The following PLEKHH3 variants were observed in gnomAD, a reference collection of about 807,000 sequenced individuals.
PLEKHH3 encodes the protein pleckstrin homology domain-containing family H member 3.
A neutral mutation model predicts 77.8 loss-of-function variants in PLEKHH3; 57 were observed. The observed-to-expected ratio is 0.73, with a 90% CI of 0.59 to 0.91. The LOEUF is 0.91. Among genes scored for constraint, PLEKHH3 ranks in the 40% least tolerant of loss-of-function variants. PLEKHH3 has a pLI of 0.00. For missense variants in PLEKHH3, 1,082 were observed against 1,091.2 expected, an observed-to-expected ratio of 0.99 and a Z score of 0.12; for synonymous variants, 467 against 504.8, an observed-to-expected ratio of 0.93 and a Z score of 1.00.
intron 7 of PLEKHH3, 53 bp downstream of exon 7, chr17:42,672,032 TC>T (rs1185974315): frequency 2.1e-6 from 3 of 1,395,618 alleles, no homozygotes; most frequent in Non-Finnish European, 2.9e-6. Context: ...TTTCATTCTC[TC>T]CCAGCCCGGT....
At position 42,670,651 on chromosome 17, in the gene PLEKHH3, T is replaced by G; in HGVS notation, c.1476A>C (p.Leu492=). 1 of 1,613,192 alleles carries G rather than the reference T, an allele frequency of 6.2e-7. No homozygotes were observed. Among genetic ancestry groups the G allele is most frequent in the Non-Finnish European group, 8.5e-7 (1 of 1,179,900 alleles). ...LEDSPDSGWR[L]CLRLHGPLHP... is the part of the protein sequence containing the mutation. ...GCAGAGGTCCGTGAAGACGCAGACA[T>G]AGTCTCCACCCGGAGTCGGGCGAGT... Residue 492 remains leucine, a synonymous_variant, in exon 10 of 13, where the codon CTA becomes CTC. Coordinates refer to ENST00000591022, the MANE Select transcript of PLEKHH3 (RefSeq NM_024927.5).
chr17:42,674,140 G>T (rs2052769036), intron 2 of PLEKHH3, 127 bp from the exon 3 acceptor site: 2 of 1,151,464 alleles, frequency 1.7e-6, no homozygotes, highest in Non-Finnish European at 2.5e-6. Flanking sequence ...TGTGGGAACC[G>T]CTGGGCCATT....
Position 42,668,140 on chromosome 17 carries a change from T to C in PLEKHH3, c.2369A>G (p.Gln790Arg). 2 of 1,458,196 alleles carry C rather than the reference T, an allele frequency of 1.4e-6. No individual in the cohort carries two copies. Among genetic ancestry groups the C allele is most frequent in the Non-Finnish European group, 1.8e-6 (2 of 1,110,206 alleles). 90.3% of individuals were successfully genotyped at this position (1,458,196 alleles called of 1,614,324 possible). Residue 790 changes from glutamine (Q) to arginine (R), a missense_variant, in exon 13 of 13, where the codon CAG (glutamine) becomes CGG (arginine). Gln to Arg is a conservative substitution (Grantham distance 43, BLOSUM62 1). Around this residue, in one of 3 missense-constraint regions of PLEKHH3, gnomAD observed 733 missense variants for 750.0 expected, o/e 0.98. Transcript: ENST00000591022. ...EPQGQSGCLG[Q>R]LQD ...CTCTTGGCAGGCTCAGTCCTGCAGC[T>C]GCCCCAAGCAGCCAGACTGTCCCTG... is the stretch of plus-strand genomic sequence containing the variant.
rs754513780 is a variant in PLEKHH3 at position 42,673,303 on chromosome 17, G to T, written c.649-7C>A. The T allele has an allele frequency of 6.3e-7, 1 of 1,599,316 alleles. No individual in the cohort carries two copies. The highest frequency in any genetic ancestry group is 8.5e-7 in the Non-Finnish European group (1 of 1,175,838). ...CTGGGTCCCCGCAACTTTCCTAGGG[G>T]GCCAGGGAGAGGGTCACCTTGATGG... On this transcript the variant is annotated splice_polypyrimidine_tract_variant and splice_region_variant and intron_variant, in intron 5 of 12. Transcript: ENST00000591022.
In PLEKHH3 at chr17:42,670,977, T is replaced by TG. The variant is rs1306244431; in HGVS notation, c.1421+16dup. 73 of 1,606,342 alleles carry TG rather than the reference T, an allele frequency of 4.5e-5. No individual in the cohort carries two copies. Among genetic ancestry groups the TG allele is most frequent in the Non-Finnish European group, 5.9e-5 (70 of 1,177,904 alleles). On this transcript the variant is annotated intron_variant, in intron 9 of 12. Coordinates refer to ENST00000591022, the MANE Select transcript of PLEKHH3 (RefSeq NM_024927.5). ...TGGATGGGCTAATAGAGAGCAGGGC[T>TG]GGGGCTGGACATTTACTTCTCAAAC...
chr17:42,671,023 G>A lies in PLEKHH3; in HGVS notation c.1392C>T (p.Leu464=), dbSNP rs747005870. The part of the protein sequence containing the change: ...AQERALAGGT[L]VADVLTRFEN... ...CAAACCTGGTGAGCACGTCGGCCACGAGGGTCCCCCCAGCCAGGGCTCGCT... is the reference window on the plus strand; with the variant it reads ...CAAACCTGGTGAGCACGTCGGCCACAAGGGTCCCCCCAGCCAGGGCTCGCT... Residue 464 remains leucine, a synonymous_variant, in exon 9 of 13, where the codon CTC becomes CTT. Transcript: ENST00000591022. This position sits in a 1 kb window ranked among gnomAD's most constrained non-coding sequence, Gnocchi z 4.7. 2 of 1,610,896 alleles carry A rather than the reference G, an allele frequency of 1.2e-6. No homozygotes were observed. The highest frequency in any genetic ancestry group is 4.5e-5 in the East Asian group (2 of 44,864).
rs1056280020 is a variant in PLEKHH3, at chr17:42,670,149, C to G, written c.1782G>C (p.Pro594=). 1 of 1,230,102 alleles carries G rather than the reference C, an allele frequency of 8.1e-7. No individual in the cohort carries two copies. The highest frequency in any genetic ancestry group is 1.0e-6 in the Non-Finnish European group (1 of 989,818). The allele number at this position is 1,230,102 out of a possible 1,614,324, so 76.2% of individuals were successfully genotyped here. The change falls in exon 11 of 13, where the codon CCG becomes CCC. Residue 594 remains proline, a synonymous_variant. Coordinates refer to ENST00000591022, the MANE Select transcript of PLEKHH3 (RefSeq NM_024927.5). Reference sequence around the variant, plus strand: ...GCTCCGCCCGCCTCTTGGCCAGGCCCGGGCTCCAGAGCGCCCCGGCCAGCA... The same window carrying G: ...GCTCCGCCCGCCTCTTGGCCAGGCCGGGGCTCCAGAGCGCCCCGGCCAGCA... ...AALLAGALWS[P]GLAKRRAERA...
At position 42,670,220 on chromosome 17, in the gene PLEKHH3, C is replaced by G; in HGVS notation, c.1711G>C (p.Glu571Gln). The change falls in exon 11 of 13, where the codon GAA becomes CAA. Residue 571 changes from glutamate to glutamine, a missense_variant. Around this residue, in one of 3 missense-constraint regions of PLEKHH3, gnomAD observed 733 missense variants for 750.0 expected, o/e 0.98. Transcript: ENST00000591022. ...CTGGGGGTCGGGCGGGGCGGGTCTT[C>G]GCGCGGCGGGGCCGGGGGCGGGAGC... ...RLLPPPAPPR[E>Q]DPPRPTPRPP... The G allele has an allele frequency of 8.2e-7, 1 of 1,213,380 alleles. No homozygotes were observed. Among genetic ancestry groups the G allele is most frequent in the Non-Finnish European group, 1.0e-6 (1 of 977,356 alleles). The allele number at this position is 1,213,380 out of a possible 1,614,324, so 75.2% of individuals were successfully genotyped here. A position where few individuals can be genotyped will look rare whatever the true frequency, so the allele number is the denominator to read the frequency against.
rs777479973 is a variant in PLEKHH3, at chr17:42,674,028, A to T, written c.219-15T>A. 2 of 1,611,554 alleles carry T rather than the reference A, an allele frequency of 1.2e-6. No individual in the cohort carries two copies. The highest frequency in any genetic ancestry group is 1.7e-6 in the Non-Finnish European group (2 of 1,179,566). ...AGCTCTGCAGCCTGGGCCAGAGGGG[A>T]GGGAAGGTTGGGTCTCCACTCTGCC... On this transcript the variant is annotated splice_polypyrimidine_tract_variant and intron_variant, in intron 2 of 12. Coordinates refer to ENST00000591022, the MANE Select transcript of PLEKHH3 (RefSeq NM_024927.5).
At position 42,673,567 on chromosome 17, in the gene PLEKHH3, G is replaced by T. The variant is rs199595390; in HGVS notation, c.491-11C>A. The T allele has an allele frequency of 6.9e-6, 11 of 1,587,278 alleles. No individual in the cohort carries two copies. Among genetic ancestry groups the T allele is most frequent in the Non-Finnish European group, 9.4e-6 (11 of 1,169,636 alleles). On this transcript the variant is annotated splice_polypyrimidine_tract_variant and intron_variant, in intron 4 of 12. Coordinates refer to ENST00000591022, the MANE Select transcript of PLEKHH3 (RefSeq NM_024927.5). Reference sequence around the variant, plus strand: ...TCACTGACCACAGACCTGGGGAAAAGAGAGGCCAGGGAGGGCCATTAGGGT... The same window carrying T: ...TCACTGACCACAGACCTGGGGAAAATAGAGGCCAGGGAGGGCCATTAGGGT...
intron 11 of PLEKHH3, 94 bp from the exon 12 acceptor site, chr17:42,669,715 T>A: frequency 6.8e-7 from 1 of 1,466,210 alleles, no homozygotes; most frequent in Non-Finnish European, 9.3e-7. Flanking sequence ...AGTATCCTGA[T>A]CCCCCTATGA....
At chr17:42,675,434 G>A (rs2052800678) in intron 1 of PLEKHH3, among the ~76,000 whole-genome samples, 1 of 152,144 alleles carries the variant, frequency 6.6e-6, no homozygotes, top group African/African-American at 2.4e-5. Context: ...GAGTGGGGCT[G>A]TCAGCCACAC....
chr17:42,674,431 C>A, intron 1 of PLEKHH3, 22 bp from the exon 2 acceptor site: 1 of 1,567,958 alleles, frequency 6.4e-7, no homozygotes. Context: ...GGCGGGGAAG[C>A]CCTCAGGGTC....
At position 42,672,166 on chromosome 17, in the gene PLEKHH3, G is replaced by A. The variant is rs1463744143; in HGVS notation, c.996C>T (p.Tyr332=). ...PATQDPAALR[Y]WQLLTCMSCT... ...AGCTCATGCAGGTGAGGAGTTGCCA[G>A]TACCGCAGGGCCGCAGGGTCTTGGG... Residue 332 remains tyrosine (Y), a synonymous_variant, in exon 7 of 13, where the codon TAC becomes TAT. Transcript: ENST00000591022. The A allele has an allele frequency of 6.5e-7, 1 of 1,549,788 alleles. No individual in the cohort carries two copies. Among genetic ancestry groups the A allele is most frequent in the Admixed American group, 2.0e-5 (1 of 50,946 alleles).
chr17:42,672,329 T>A lies in PLEKHH3; in HGVS notation c.833A>T (p.Glu278Val). ...CAAGGGCCCGGGGCGCCGCGCCCCC[T>A]CCAGCGCCTGCAGCGCCAAGAACAG... ...VRLFLALQAL[E>V]GARRPGPLMQ... Residue 278 changes from glutamate to valine, a missense_variant, in exon 7 of 13, where the codon GAG becomes GTG. By Grantham distance (121) the Glu-to-Val change is moderately radical. Transcript: ENST00000591022. 1 of 1,547,078 alleles carries A rather than the reference T, an allele frequency of 6.5e-7. No homozygotes were observed. Among genetic ancestry groups the A allele is most frequent in the South Asian group, 1.2e-5 (1 of 83,932 alleles).
chr17:42,669,590 C>A lies in PLEKHH3; in HGVS notation c.2045G>T (p.Cys682Phe), dbSNP rs780495309. ...CATGGCCTTGGCTCCCAAGCCCAGGCACAGCTTCTGTGGAGCACCCCGACC... is the reference window on the plus strand; with the variant it reads ...CATGGCCTTGGCTCCCAAGCCCAGGAACAGCTTCTGTGGAGCACCCCGACC... ...EPGRGAPQKL[C>F]LGLGAKAMSL... The change falls in exon 12 of 13, where the codon TGC (cysteine) becomes TTC (phenylalanine). Residue 682 changes from cysteine to phenylalanine, a missense_variant. Coordinates refer to ENST00000591022, the MANE Select transcript of PLEKHH3 (RefSeq NM_024927.5). 2 of 1,610,390 alleles carry A rather than the reference C, an allele frequency of 1.2e-6. No homozygotes were observed. Among genetic ancestry groups the A allele is most frequent in the Admixed American group, 3.3e-5 (2 of 59,950 alleles).
rs780402656 is a variant in PLEKHH3 at position 42,673,781 on chromosome 17, G to A, written c.352C>T (p.Arg118Cys). The change falls in exon 4 of 13, where the codon CGC (arginine) becomes TGC (cysteine). Residue 118 changes from arginine (R) to cysteine (C), a missense_variant. Around this residue, in one of 3 missense-constraint regions of PLEKHH3, gnomAD observed 344 missense variants for 320.8 expected, o/e 1.07. Transcript: ENST00000591022. ...GGGARPWLPP[R>C]RAWFVLTRDS... The stretch of plus-strand genomic sequence containing the variant: ...CGCGTGAGCACAAACCAGGCTCGGC[G>A]CGGGGGCAGCCAGGGCCGCGCCCCT... 17 of 1,592,444 alleles carry A rather than the reference G, an allele frequency of 1.1e-5. No homozygotes were observed. In the East Asian group the frequency reaches 2.9e-4, roughly 27 times the overall value.
At chr17:42,673,151 G>C in intron 6 of PLEKHH3, 25 bp downstream of exon 6, 1 of 1,500,884 alleles carries the variant, frequency 6.7e-7, no homozygotes, top group Non-Finnish European at 8.9e-7. Context: ...CCCATCCAGG[G>C]GACTTGGGCC....
chr17:42,670,618 C>G lies in PLEKHH3; in HGVS notation c.1509G>C (p.Glu503Asp). 6.2e-7 allele frequency: 1 copy of G among 1,612,906 alleles called. No individual in the cohort carries two copies. Among genetic ancestry groups the G allele is most frequent in the Non-Finnish European group, 8.5e-7 (1 of 1,179,696 alleles). The change falls in exon 10 of 13, where the codon GAG becomes GAC. Residue 503 changes from glutamate (E) to aspartate (D), a missense_variant. Glu to Asp is a conservative substitution (Grantham distance 45, BLOSUM62 2). Around this residue, in one of 3 missense-constraint regions of PLEKHH3, gnomAD observed 733 missense variants for 750.0 expected, o/e 0.98. Coordinates refer to ENST00000591022, the MANE Select transcript of PLEKHH3 (RefSeq NM_024927.5). The stretch of plus-strand genomic sequence containing the variant: ...GTTCGTGACCGTCTGGGGACAGCCC[C>G]TCAGGGTGCAGAGGTCCGTGAAGAC... ...CLRLHGPLHP[E>D]GLSPDGHELP...
Sources: allele counts gnomAD v4.1 joint callset (sites outside exome capture counted in the v4.1 genomes callset), GRCh38; gene constraint gnomAD v4.1.1; regional missense constraint gnomAD v4.1.1; non-coding constraint Gnocchi (gnomAD v3.1); transcripts MANE v1.5; gene names NCBI Gene and HGNC (gene_info 2026-07-23, HGNC 2026-07-21).